WDR19: variants seen among roughly 807,000 people sequenced by gnomAD.
The protein encoded by WDR19 is WD repeat domain 19, also known as WD repeat-containing protein 19.
WDR19 carries 121 observed loss-of-function variants against 180.0 expected under a neutral mutation model. The ratio of observed to expected loss-of-function variants is 0.67; its 90% CI spans 0.58 to 0.78. The LOEUF (loss-of-function observed/expected upper bound fraction) is 0.78. Ranked by LOEUF, WDR19 falls within the 30% of genes least tolerant of loss-of-function variation. The probability of loss-of-function intolerance (pLI) is 0.00; values close to 1 mark genes in which losing one functional copy is unlikely to be tolerated. For synonymous variants in WDR19, 497 were observed against 540.7 expected (o/e 0.92, Z 1.12); for missense variants, 1,450 against 1,640.7 (o/e 0.88, Z 2.01).
chr4:39,226,491 A>C (rs1033727536), intron 15 of WDR19, among the ~76,000 whole-genome samples: 1 of 152,232 alleles, frequency 6.6e-6, no homozygotes, highest in Non-Finnish European at 1.5e-5. Context: ...CAGTTCGGCC[A>C]CTAGTCCAGT....
chr4:39,234,747 G>T lies in WDR19; in HGVS notation c.2254-19G>T. On this transcript the variant is annotated intron_variant, in intron 19 of 36. Transcript: ENST00000399820. ...ATAATTTTGCTCATTTGAAATTAAG[G>T]TCTTTCTCTTCTTAACAGATGAGAA... is the stretch of plus-strand genomic sequence containing the variant. The T allele has an allele frequency of 4.6e-6, 7 of 1,516,470 alleles. No homozygotes were observed. The highest frequency in any genetic ancestry group is 1.4e-5 in the African/African-American group (1 of 72,674). The allele number at this position is 1,516,470 out of a possible 1,614,324, so 93.9% of individuals were successfully genotyped here.
intron 24 of WDR19, among the ~76,000 whole-genome samples, chr4:39,248,941 TCAA>T (rs1190690239): frequency 6.6e-6 from 1 of 152,134 alleles, no homozygotes; most frequent in Non-Finnish European, 1.5e-5. Context: ...ATTAGACAGA[TCAA>T]CGAGACAGAA....
intron 17 of WDR19, among the ~76,000 whole-genome samples, chr4:39,229,546 A>C (rs1730627132): frequency 6.6e-6 from 1 of 151,990 alleles, no homozygotes; most frequent in Non-Finnish European, 1.5e-5. Context: ...TTTGCTTATA[A>C]TTTCCTTTTA....
intron 20 of WDR19, among the ~76,000 whole-genome samples, chr4:39,237,191 T>C (rs1443029456): frequency 6.6e-6 from 1 of 152,230 alleles, no homozygotes; most frequent in African/African-American, 2.4e-5. Flanking sequence ...AATTCTACTT[T>C]ACTGTCATAG....
rs778487491 is a variant in WDR19 at position 39,253,244 on chromosome 4, A to G, written c.2828A>G (p.Asn943Ser). The G allele has an allele frequency of 3.2e-5, 51 of 1,613,608 alleles. No individual in the cohort carries two copies. The highest frequency in any genetic ancestry group is 4.0e-5 in the Non-Finnish European group (47 of 1,179,730). ...CTCAATAATCCTGAAAAAGCTGTCAATATTGTTAGAGAGACCCAGTCTCTG... is the reference window on the plus strand; with the variant it reads ...CTCAATAATCCTGAAAAAGCTGTCAGTATTGTTAGAGAGACCCAGTCTCTG... ...DHLNNPEKAV[N>S]IVRETQSLDG... The change falls in exon 25 of 37, where the codon AAT (asparagine) becomes AGT (serine). Residue 943 changes from asparagine (N) to serine (S), a missense_variant. Transcript: ENST00000399820.
chr4:39,244,680 A>T, intron 23 of WDR19, 128 bp downstream of exon 23: 1 of 895,848 alleles, frequency 1.1e-6, no homozygotes, highest in Non-Finnish European at 1.7e-6. Flanking sequence ...CCTACCCTTC[A>T]TCTCTTTTGT....
intron 34 of WDR19, 145 bp from the exon 35 acceptor site, chr4:39,277,986 G>T: frequency 1.5e-6 from 1 of 658,138 alleles, no homozygotes. Flanking sequence ...CCCAGGAGGT[G>T]GAGGTTGCAG....
chr4:39,216,947 T>C (rs1729130603), intron 12 of WDR19, among the ~76,000 whole-genome samples, 187 bp from the exon 13 acceptor site: 1 of 152,238 alleles, frequency 6.6e-6, no homozygotes, highest in Non-Finnish European at 1.5e-5. Context: ...CAAATTTATA[T>C]GGCAACTAAG....
chr4:39,229,781 C>A lies in WDR19; in HGVS notation c.1982+1091C>A, dbSNP rs915794438. ...TGTCTTTATCTTAAACCTGTACTTA[C>A]AACTACCTTCCAGTCATGTGTCCTT... is the stretch of plus-strand genomic sequence containing the variant. On this transcript the variant is annotated intron_variant, in intron 17 of 36. Transcript: ENST00000399820. Among the ~76,000 whole-genome samples the A allele has an allele frequency of 2.6e-5, 4 of 152,304 alleles. 1 individual carries two copies. Among genetic ancestry groups the A allele is most frequent in the South Asian group, 4.1e-4 (2 of 4,822 alleles).
chr4:39,189,722 C>T lies in WDR19; in HGVS notation c.231C>T (p.Ser77=), dbSNP rs745662281. ...DVLAVIAEKS[S]CIYLWDANTN... ...TAGCAGTGATTGCTGAGAAATCTAG[C>T]TGCATTTATCTTTGGGATGCCAACA... Residue 77 remains serine, a synonymous_variant, in exon 4 of 37, where the codon AGC becomes AGT. Transcript: ENST00000399820. The T allele has an allele frequency of 6.2e-7, 1 of 1,611,720 alleles. No individual in the cohort carries two copies. Among genetic ancestry groups the T allele is most frequent in the Admixed American group, 1.7e-5 (1 of 59,656 alleles).
In WDR19 at chr4:39,278,116, A is replaced by C. The variant is rs368673192; in HGVS notation, c.3841-15A>C. The C allele has an allele frequency of 2.3e-5, 36 of 1,589,300 alleles. No homozygotes were observed. Among genetic ancestry groups the C allele is most frequent in the Non-Finnish European group, 3.0e-5 (35 of 1,167,350 alleles). On this transcript the variant is annotated splice_polypyrimidine_tract_variant and intron_variant, in intron 34 of 36. Coordinates refer to ENST00000399820, the MANE Select transcript of WDR19 (RefSeq NM_025132.4). ...AAATAAAGATGAATTTAACTCTTAAACATCCTGTTTCCAGGGTCGACACAT... is the reference window on the plus strand; with the variant it reads ...AAATAAAGATGAATTTAACTCTTAACCATCCTGTTTCCAGGGTCGACACAT...
At chr4:39,253,399 A>AT (rs1560541292) in intron 25 of WDR19, 107 bp downstream of exon 25, 3 of 1,298,002 alleles carry the variant, frequency 2.3e-6, no homozygotes, top group South Asian at 2.8e-5. Context: ...TTTAGTCTTT[A>AT]TTTTTTTATC....
intron 4 of WDR19, among the ~76,000 whole-genome samples, chr4:39,193,032 G>A (rs1726328797): frequency 6.6e-6 from 1 of 151,974 alleles, no homozygotes; most frequent in South Asian, 2.1e-4. Context: ...TGCGGCTACA[G>A]CATTTATTTT....
At chr4:39,275,073 C>T (rs1383204754) in intron 33 of WDR19, 115 bp downstream of exon 33, 1 of 1,294,468 alleles carries the variant, frequency 7.7e-7, no homozygotes, top group African/African-American at 1.5e-5. Flanking sequence ...GGTGCAGTGG[C>T]TCACACCTAT....
chr4:39,210,054 T>C (rs535658729), intron 9 of WDR19, among the ~76,000 whole-genome samples: 1 of 152,288 alleles, frequency 6.6e-6, no homozygotes, highest in Non-Finnish European at 1.5e-5. Context: ...AAAATAAATC[T>C]CAAGGCCTGT....
At chr4:39,193,661 C>G (rs1726409618) in intron 4 of WDR19, among the ~76,000 whole-genome samples, 1 of 152,304 alleles carries the variant, frequency 6.6e-6, no homozygotes, top group African/African-American at 2.4e-5. Context: ...TTTAAACTTA[C>G]TCTTTTGTCC....
chr4:39,219,989 C>A (rs187441776), intron 14 of WDR19, among the ~76,000 whole-genome samples: 3 of 151,962 alleles, frequency 2.0e-5, no homozygotes, highest in South Asian at 4.1e-4. Context: ...GAGGCCGAGG[C>A]GGGTGGATTG....
chr4:39,217,950 A>G, intron 13 of WDR19, 33 bp from the exon 14 acceptor site: 2 of 1,610,100 alleles, frequency 1.2e-6, no homozygotes, highest in Non-Finnish European at 1.7e-6. Flanking sequence ...ACTCAAATAA[A>G]TCTGTGAGCC....
intron 14 of WDR19, among the ~76,000 whole-genome samples, chr4:39,223,483 A>G (rs1340115305): frequency 6.6e-6 from 1 of 151,738 alleles, no homozygotes; most frequent in Non-Finnish European, 1.5e-5. Flanking sequence ...GGCACACGCC[A>G]CCACGCCCAG....
Sources: gnomAD v4.1 joint callset for allele counts (sites outside exome capture counted in the v4.1 genomes callset) on GRCh38, gnomAD v4.1.1 for gene constraint, MANE v1.5 for transcripts, NCBI Gene and HGNC (gene_info 2026-07-23, HGNC 2026-07-21) for gene names.